USP37: variants seen among roughly 807,000 people sequenced by gnomAD.
USP37 encodes the protein ubiquitin carboxyl-terminal hydrolase 37.
A neutral mutation model predicts 124.0 loss-of-function variants in USP37; 27 were observed. The observed-to-expected ratio is 0.22, with a 90% CI of 0.16 to 0.30. USP37 has a LOEUF of 0.30. Among genes scored for constraint, USP37 ranks in the 10% least tolerant of loss-of-function variants. The pLI is 1.00. For synonymous variants in USP37, 365 were observed against 388.0 expected, an observed-to-expected ratio of 0.94 and a Z score of 0.70; for missense variants, 889 against 1,140.4, an observed-to-expected ratio of 0.78 and a Z score of 3.17.
chr2:218,469,159 C>T (rs1690533573), intron 20 of USP37, among the ~76,000 whole-genome samples: 1 of 152,160 alleles, frequency 6.6e-6, no homozygotes, highest in African/African-American at 2.4e-5. Flanking sequence ...GTGGAAAAAT[C>T]CCAATTGTTC....
chr2:218,509,871 A>G (rs1261090587), intron 11 of USP37, 108 bp downstream of exon 11: 14 of 1,078,098 alleles, frequency 1.3e-5, no homozygotes, highest in Admixed American at 3.3e-5. Flanking sequence ...TCTAATTTCT[A>G]AATATTTTAG....
At chr2:218,457,013 C>A in intron 24 of USP37, 79 bp downstream of exon 24, 1 of 1,376,946 alleles carries the variant, frequency 7.3e-7, no homozygotes, top group Non-Finnish European at 1.0e-6. Context: ...CTTCACAAAG[C>A]TAGGCAAAGA....
At chr2:218,459,716 G>C (rs1574833591) in intron 23 of USP37, 74 bp downstream of exon 23, 4 of 1,280,790 alleles carry the variant, frequency 3.1e-6, no homozygotes, top group African/African-American at 3.0e-5. Context: ...CACTGAAAGT[G>C]GGGCCTTTGA....
At chr2:218,493,105 GGTTT>G (rs1481152871) in intron 14 of USP37, among the ~76,000 whole-genome samples, 2 of 151,912 alleles carry the variant, frequency 1.3e-5, no homozygotes, top group Non-Finnish European at 2.9e-5. Flanking sequence ...AAACTGTAAT[GGTTT>G]TTTTTAAAAA....
At chr2:218,486,071 G>T in intron 15 of USP37, 1 of 219,660 alleles carries the variant, frequency 4.6e-6, no homozygotes, top group Non-Finnish European at 8.8e-6. Flanking sequence ...ACTACCAAGA[G>T]TATATCCAGA....
Position 218,454,773 on chromosome 2 carries a change from T to C in USP37, c.*157A>G, listed in dbSNP as rs139514714. Reference sequence around the variant, plus strand: ...AGTTTCCATAAAATAGCATGGAGCATTCTACGTTACTCCAATTTTTGTCTT... The same window carrying C: ...AGTTTCCATAAAATAGCATGGAGCACTCTACGTTACTCCAATTTTTGTCTT... On this transcript the variant is annotated 3_prime_UTR_variant, in exon 26 of 26. Transcript: ENST00000258399. 5.7e-6 allele frequency: 8 copies of C among 1,413,662 alleles called. No individual in the cohort carries two copies. The African/African-American group carries it at 5.7e-5, about 10-fold the overall frequency. The allele number at this position is 1,413,662 out of a possible 1,614,324, so 87.6% of individuals were successfully genotyped here.
In USP37 at chr2:218,471,114, G is replaced by A. The variant is rs745364616; in HGVS notation, c.2299+3516C>T. ...AGTCCTGAGTTTGAGGAAAGTCCAC[G>A]GAACACAGTTTTGTGATTTTCTTTA... On this transcript the variant is annotated intron_variant, in intron 20 of 25. Coordinates refer to ENST00000258399, the MANE Select transcript of USP37 (RefSeq NM_020935.3). Among the ~76,000 whole-genome samples the A allele has an allele frequency of 2.6e-5, 4 of 152,164 alleles. No homozygotes were observed. The East Asian group carries it at 5.8e-4, about 22-fold the overall frequency.
At chr2:218,481,211 A>T (rs76250295) in intron 17 of USP37, among the ~76,000 whole-genome samples, 4,226 of 152,340 alleles carry the variant, frequency 0.028, 188 homozygotes, top group African/African-American at 0.095. Flanking sequence ...GCAAAAACCT[A>T]AAGTAAAGAT....
chr2:218,483,599 A>G (rs1182974116), intron 16 of USP37, among the ~76,000 whole-genome samples: 2 of 151,716 alleles, frequency 1.3e-5, no homozygotes, highest in Non-Finnish European at 2.9e-5. Context: ...CCAGGAAAAA[A>G]AAAAAAAAGA....
chr2:218,483,749 A>G (rs1660235912), intron 16 of USP37, among the ~76,000 whole-genome samples: 1 of 152,222 alleles, frequency 6.6e-6, no homozygotes, highest in African/African-American at 2.4e-5. Context: ...AACTGTACAC[A>G]TAATTTCCTT....
At chr2:218,485,573 T>C in intron 16 of USP37, 91 bp downstream of exon 16, 2 of 1,351,338 alleles carry the variant, frequency 1.5e-6, no homozygotes, top group Non-Finnish European at 2.0e-6. Context: ...AATATTTGTA[T>C]GAACTTTAAA....
chr2:218,495,112 T>C (rs750002603), intron 14 of USP37, among the ~76,000 whole-genome samples: 19 of 152,142 alleles, frequency 1.2e-4, no homozygotes, highest in Non-Finnish European at 2.4e-4. Context: ...TATTTAAATT[T>C]TCCTCAGTTC....
Position 218,549,960 on chromosome 2 carries a change from A to G in USP37, c.329-51T>C, listed in dbSNP as rs766925800. 1.1e-5 allele frequency: 15 copies of G among 1,347,936 alleles called. No homozygotes were observed. The East Asian group carries it at 3.7e-4, about 33-fold the overall frequency. 83.5% of individuals were successfully genotyped at this position (1,347,936 alleles called of 1,614,324 possible). A position where few individuals can be genotyped will look rare whatever the true frequency, so the allele number is the denominator to read the frequency against. On this transcript the variant is annotated intron_variant, in intron 5 of 25. Transcript: ENST00000258399. ...TTAAAATCCCCAAATCACTCACTTT[A>G]ACAAAAAGATTTATCATTATTATTT...
intron 3 of USP37, among the ~76,000 whole-genome samples, chr2:218,560,604 A>T (rs896529851): frequency 2.0e-5 from 3 of 152,254 alleles, no homozygotes; most frequent in Non-Finnish European, 1.5e-5. Flanking sequence ...AGGGGCTAGC[A>T]GGTGACAGAA....
At chr2:218,484,349 C>T (rs914676179) in intron 16 of USP37, among the ~76,000 whole-genome samples, 7 of 151,766 alleles carry the variant, frequency 4.6e-5, no homozygotes, top group African/African-American at 1.7e-4. Context: ...TGGCCCGGCG[C>T]GGTGGCTTAT....
At chr2:218,542,601 G>T (rs771573475) in intron 8 of USP37, among the ~76,000 whole-genome samples, 4 of 152,164 alleles carry the variant, frequency 2.6e-5, no homozygotes, top group African/African-American at 4.8e-5. Context: ...TCTATACAGG[G>T]TTTCCAATAT....
At chr2:218,464,041 T>C (rs1055116923) in intron 21 of USP37, among the ~76,000 whole-genome samples, 3 of 151,454 alleles carry the variant, frequency 2.0e-5, no homozygotes, top group Non-Finnish European at 4.4e-5. Flanking sequence ...GTATTTTTAG[T>C]AGAGATGGGG....
At chr2:218,539,754 G>A (rs1691872993) in intron 8 of USP37, among the ~76,000 whole-genome samples, 1 of 152,062 alleles carries the variant, frequency 6.6e-6, no homozygotes, top group Non-Finnish European at 1.5e-5. Flanking sequence ...GCTCATGGCT[G>A]TAATCCCAGC....
intron 12 of USP37, 47 bp downstream of exon 12, chr2:218,497,979 T>C: frequency 6.4e-7 from 1 of 1,568,228 alleles, no homozygotes; most frequent in Non-Finnish European, 8.6e-7. Flanking sequence ...TATTCTATAA[T>C]CAATGAAGTA....
Sources: gnomAD v4.1 joint callset for allele counts (sites outside exome capture counted in the v4.1 genomes callset) on GRCh38, gnomAD v4.1.1 for gene constraint, MANE v1.5 for transcripts, NCBI Gene and HGNC (gene_info 2026-07-23, HGNC 2026-07-21) for gene names.